Variants in PPP1R8 observed in about 807,000 individuals in gnomAD.
PPP1R8 encodes protein phosphatase 1 regulatory subunit 8, also known as nuclear inhibitor of protein phosphatase 1.
In PPP1R8, 4 loss-of-function variants were observed where a neutral mutation model predicts 31.3. The observed-to-expected ratio is 0.13, with a 90% CI of 0.06 to 0.29. PPP1R8 has a LOEUF of 0.29. Ranked by LOEUF, PPP1R8 falls within the 10% of genes least tolerant of loss-of-function variation. The pLI is 1.00. For synonymous variants in PPP1R8, 170 were observed against 169.7 expected (o/e 1.00, Z -0.01); for missense variants, 254 against 440.1 (o/e 0.58, Z 3.78).
At chr1:27,831,289 A>G (rs1169090839) in intron 1 of PPP1R8, 6 of 1,000,282 alleles carry the variant, frequency 6.0e-6, no homozygotes, top group Non-Finnish European at 7.2e-6. Flanking sequence ...CCCCAACCCT[A>G]CCTCCAAGCC....
chr1:27,842,798 T>TGGC (rs2089235758), intron 4 of PPP1R8, among the ~76,000 whole-genome samples: 3 of 152,344 alleles, frequency 2.0e-5, no homozygotes, highest in Admixed American at 2.0e-4. Flanking sequence ...AAACAATTCT[T>TGGC]GGCGTTCCTT....
intron 3 of PPP1R8, among the ~76,000 whole-genome samples, chr1:27,840,791 G>T (rs2089215182): frequency 6.6e-6 from 1 of 152,138 alleles, no homozygotes; most frequent in African/African-American, 2.4e-5. Context: ...ACACATGATG[G>T]ATGTGGTGGA....
chr1:27,848,474 G>A (rs1004065875), intron 6 of PPP1R8, among the ~76,000 whole-genome samples: 22 of 152,196 alleles, frequency 1.4e-4, no homozygotes, highest in Admixed American at 9.2e-4. Context: ...TCAGCATGTG[G>A]AAGAACTATC....
intron 6 of PPP1R8, 137 bp from the exon 7 acceptor site, chr1:27,849,956 G>A (rs1036582087): frequency 2.7e-6 from 2 of 738,848 alleles, no homozygotes; most frequent in African/African-American, 3.5e-5. Flanking sequence ...TGTCTGGAAA[G>A]GAGAACAGGC....
In PPP1R8 at chr1:27,850,269, A is replaced by C. The variant is rs772499681; in HGVS notation, c.879A>C (p.Pro293=). The C allele has an allele frequency of 3.1e-6, 5 of 1,614,196 alleles. No homozygotes were observed. Among genetic ancestry groups the C allele is most frequent in the Non-Finnish European group, 4.2e-6 (5 of 1,180,034 alleles). ...CACTCATCGGTGGCTTGCCCATGCC[A>C]TACCCAAACCTTGCCCCTGATGTGG... ...GTALIGGLPM[P]YPNLAPDVDL... is the part of the protein sequence containing the mutation. Residue 293 remains proline (P), a synonymous_variant, in exon 7 of 7, where the codon CCA becomes CCC. Coordinates refer to ENST00000311772, the MANE Select transcript of PPP1R8 (RefSeq NM_014110.5).
At chr1:27,835,311 G>A (rs2089154031) in intron 2 of PPP1R8, among the ~76,000 whole-genome samples, 1 of 152,214 alleles carries the variant, frequency 6.6e-6, no homozygotes, top group Admixed American at 6.5e-5. Flanking sequence ...AGTGCAATGA[G>A]ATTCAGCCCA....
chr1:27,832,682 T>C, intron 1 of PPP1R8, 74 bp from the exon 2 acceptor site: 1 of 1,294,044 alleles, frequency 7.7e-7, no homozygotes, highest in Middle Eastern at 1.8e-4. Flanking sequence ...GCTGCAATGT[T>C]GAATGGGACA....
At chr1:27,840,747 C>G (rs2089214669) in intron 3 of PPP1R8, among the ~76,000 whole-genome samples, 1 of 152,136 alleles carries the variant, frequency 6.6e-6, no homozygotes, top group Middle Eastern at 3.2e-3. Flanking sequence ...CGAGGAGATT[C>G]AAGGCTCAGT....
intron 1 of PPP1R8, chr1:27,831,279 C>T: frequency 7.0e-6 from 7 of 1,007,158 alleles, no homozygotes; most frequent in Non-Finnish European, 8.3e-6. Context: ...CCAGCCCCGG[C>T]CCCAACCCTA....
chr1:27,832,876 C>T, intron 2 of PPP1R8, 60 bp downstream of exon 2: 1 of 1,355,758 alleles, frequency 7.4e-7, no homozygotes, highest in Non-Finnish European at 1.0e-6. Context: ...GCCAGTGACT[C>T]ACTTTTCCAC....
chr1:27,831,332 G>T, intron 1 of PPP1R8: 1 of 992,384 alleles, frequency 1.0e-6, no homozygotes, highest in Non-Finnish European at 1.2e-6. Flanking sequence ...CATCCCTCGT[G>T]CGGCACTTGT....
intron 4 of PPP1R8, among the ~76,000 whole-genome samples, chr1:27,842,193 T>A (rs1241681454): frequency 6.6e-6 from 1 of 151,934 alleles, no homozygotes; most frequent in Non-Finnish European, 1.5e-5. Flanking sequence ...ATACAAAAAA[T>A]TAGCTGGGTG....
At chr1:27,849,007 T>G (rs1231416927) in intron 6 of PPP1R8, among the ~76,000 whole-genome samples, 1 of 152,174 alleles carries the variant, frequency 6.6e-6, no homozygotes, top group Non-Finnish European at 1.5e-5. Flanking sequence ...AGCAGCCCAC[T>G]CCCAGGCCCA....
At chr1:27,837,768 T>C (rs6685858) in intron 2 of PPP1R8, among the ~76,000 whole-genome samples, 3,291 of 137,980 alleles carry the variant, frequency 0.024, 107 homozygotes, top group African/African-American at 0.083. Context: ...GAGCGAGACT[T>C]AGTCTCAAAA....
Position 27,850,482 on chromosome 1 carries a change from G to GTTTGGGGGGGTTGGGGGGGGA in PPP1R8, c.*36_*37insTTTGGGGGGGTTGGGGGGGGA. 2.0e-6 allele frequency: 1 copy of GTTTGGGGGGGTTGGGGGGGGA among 511,100 alleles called. No homozygotes were observed. Among genetic ancestry groups the GTTTGGGGGGGTTGGGGGGGGA allele is most frequent in the Non-Finnish European group, 3.9e-6 (1 of 253,774 alleles). 31.7% of individuals were successfully genotyped at this position (511,100 alleles called of 1,614,324 possible). A position where few individuals can be genotyped will look rare whatever the true frequency, so the allele number is the denominator to read the frequency against. ...CATGGAGAAGGGTGGGATTGGGTGG[G>GTTTGGGGGGGTTGGGGGGGGA]AATGGGGTGGAAGGGTGATGGGGAG... On this transcript the variant is annotated 3_prime_UTR_variant, in exon 7 of 7. Coordinates refer to ENST00000311772, the MANE Select transcript of PPP1R8 (RefSeq NM_014110.5).
intron 6 of PPP1R8, among the ~76,000 whole-genome samples, chr1:27,849,879 T>G (rs2089323439): frequency 6.6e-6 from 1 of 152,222 alleles, no homozygotes; most frequent in African/African-American, 2.4e-5. Flanking sequence ...GAGCAGTGTT[T>G]GGGAACCATC....
chr1:27,849,539 C>T (rs1424616304), intron 6 of PPP1R8, among the ~76,000 whole-genome samples: 1 of 152,000 alleles, frequency 6.6e-6, no homozygotes, highest in Non-Finnish European at 1.5e-5. Context: ...CTCTGTCACC[C>T]AGGCTGCAGT....
intron 1 of PPP1R8, among the ~76,000 whole-genome samples, chr1:27,832,071 T>C (rs1456080021): frequency 6.6e-6 from 1 of 152,214 alleles, no homozygotes; most frequent in African/African-American, 2.4e-5. Context: ...GCACTGTTTT[T>C]GAGATCACCT....
rs1557432115 is a variant in PPP1R8 at position 27,847,098 on chromosome 1, A to T, written c.702+6A>T. ...CTGCAGTGGTCCCAGTCAAGGTAGG[A>T]AGCACATGAAATGCCATACAGTCTG... On this transcript the variant is annotated splice_donor_region_variant and intron_variant, in intron 6 of 6. Coordinates refer to ENST00000311772, the MANE Select transcript of PPP1R8 (RefSeq NM_014110.5). 6.2e-7 allele frequency: 1 copy of T among 1,612,772 alleles called. No individual in the cohort carries two copies. Among genetic ancestry groups the T allele is most frequent in the South Asian group, 1.1e-5 (1 of 91,054 alleles).
Sources: gnomAD v4.1 joint callset for allele counts (sites outside exome capture counted in the v4.1 genomes callset) on GRCh38, gnomAD v4.1.1 for gene constraint, MANE v1.5 for transcripts, NCBI Gene and HGNC (gene_info 2026-07-23, HGNC 2026-07-21) for gene names.